Variants in PCDH15 observed in about 807,000 individuals in gnomAD.
PCDH15 encodes protocadherin-15.
In PCDH15, 129 loss-of-function variants were observed where a neutral mutation model predicts 178.5. The observed-to-expected ratio is 0.72, with a 90% CI of 0.63 to 0.84. PCDH15 has a LOEUF of 0.84. Ranked by LOEUF, PCDH15 falls within the 40% of genes least tolerant of loss-of-function variation. PCDH15 has a pLI of 0.00. For synonymous variants in PCDH15, 800 were observed against 732.0 expected (o/e 1.09, Z -1.50); for missense variants, 2,230 against 2,099.9 (o/e 1.06, Z -1.21).
chr10:53,945,353 T>C (rs901279350), intron 23 of PCDH15, among the ~76,000 whole-genome samples: 2 of 152,190 alleles, frequency 1.3e-5, no homozygotes, highest in Non-Finnish European at 2.9e-5. Context: ...TGTTTTGAAA[T>C]ACGTATACAC....
chr10:53,928,174 C>T (rs532048897), intron 25 of PCDH15, among the ~76,000 whole-genome samples: 1 of 152,086 alleles, frequency 6.6e-6, no homozygotes, highest in African/African-American at 2.4e-5. Context: ...CTATGTACAT[C>T]TTTTCTATAT....
intron 2 of PCDH15, among the ~76,000 whole-genome samples, chr10:55,425,015 G>A (rs899808355): frequency 1.3e-5 from 2 of 151,612 alleles, no homozygotes; most frequent in African/African-American, 4.8e-5. Flanking sequence ...TCAAATTATA[G>A]AAAGTATTAA....
intron 2 of PCDH15, among the ~76,000 whole-genome samples, chr10:55,621,163 A>G (rs1843583229): frequency 6.6e-6 from 1 of 152,148 alleles, no homozygotes; most frequent in Non-Finnish European, 1.5e-5. Context: ...CAGTAGAGAT[A>G]ATAATATGAA....
intron 2 of PCDH15, among the ~76,000 whole-genome samples, chr10:55,399,772 A>T (rs1455123619): frequency 6.6e-6 from 1 of 152,166 alleles, no homozygotes; most frequent in African/African-American, 2.4e-5. Context: ...TGGGAGTAAA[A>T]GGCTTAAAGT....
At position 54,627,240 on chromosome 10, in the gene PCDH15, G is replaced by A. The variant is rs375619742; in HGVS notation, c.91+36932C>T. ...TGAGACTCTGGGGGACTCTCGGGAA[G>A]GCATATTTGGTTTTGAAATGTGGAA... On this transcript the variant is annotated intron_variant, in intron 2 of 37. Transcript: ENST00000644397. Among the ~76,000 whole-genome samples the A allele has an allele frequency of 7.2e-5, 11 of 152,220 alleles. No individual in the cohort carries two copies. In the East Asian group the frequency reaches 1.6e-3, roughly 21 times the overall value.
intron 3 of PCDH15, among the ~76,000 whole-genome samples, chr10:54,869,496 G>A (rs944794155): frequency 2.6e-5 from 4 of 152,176 alleles, no homozygotes; most frequent in African/African-American, 9.7e-5. Context: ...CACAGTGTAT[G>A]TAGAGAATAG....
rs957748149 is a variant in PCDH15, at chr10:53,831,305, G to A, written c.4202+10C>T. 2 of 1,612,898 alleles carry A rather than the reference G, an allele frequency of 1.2e-6. No homozygotes were observed. Among genetic ancestry groups the A allele is most frequent in the African/African-American group, 2.7e-5 (2 of 74,868 alleles). Reference sequence around the variant, plus strand: ...GGAACTATCCAGGTTTACCATCCTTGAATACTTACTGTCTGTAGCTGACCA... The same window carrying A: ...GGAACTATCCAGGTTTACCATCCTTAAATACTTACTGTCTGTAGCTGACCA... On this transcript the variant is annotated intron_variant, in intron 30 of 37. Coordinates refer to ENST00000644397, the MANE Select transcript of PCDH15 (RefSeq NM_001384140.1).
chr10:54,722,504 T>A (rs918673240), intron 1 of PCDH15, among the ~76,000 whole-genome samples: 2 of 151,460 alleles, frequency 1.3e-5, no homozygotes, highest in African/African-American at 4.8e-5. Context: ...TTGGTCTTGA[T>A]CTTATATAGT....
intron 18 of PCDH15, among the ~76,000 whole-genome samples, chr10:54,050,536 T>C (rs922502242): frequency 1.3e-5 from 2 of 152,154 alleles, no homozygotes; most frequent in African/African-American, 4.8e-5. Flanking sequence ...ATCCTTTATA[T>C]AGATTTTGGG....
At chr10:55,000,441 G>C (rs192371201) in intron 2 of PCDH15, among the ~76,000 whole-genome samples, 1 of 152,242 alleles carries the variant, frequency 6.6e-6, no homozygotes, top group African/African-American at 2.4e-5. Context: ...CTGTTATCTT[G>C]TTCTTTTTTC....
At chr10:55,107,484 C>CTTTTTTTTTTTTTT (rs11290952) in intron 2 of PCDH15, among the ~76,000 whole-genome samples, 1 of 86,206 alleles carries the variant, frequency 1.2e-5, no homozygotes, top group Non-Finnish European at 2.0e-5. Context: ...ATTCTCTTTC[C>CTTTTTTTTTTTTTT]TTTTTTTTTT....
At chr10:54,412,445 G>A (rs578135689) in intron 3 of PCDH15, among the ~76,000 whole-genome samples, 163 of 152,160 alleles carry the variant, frequency 1.1e-3, no homozygotes, top group African/African-American at 3.9e-3. Context: ...ACTCCGCAAA[G>A]TATTTCAGTC....
intron 15 of PCDH15, among the ~76,000 whole-genome samples, chr10:54,113,526 A>G (rs1193350129): frequency 1.3e-5 from 2 of 152,086 alleles, no homozygotes; most frequent in African/African-American, 4.8e-5. Flanking sequence ...CCGTGTCCTC[A>G]TATGCACACT....
intron 2 of PCDH15, among the ~76,000 whole-genome samples, chr10:55,101,383 C>T (rs2132046154): frequency 6.8e-6 from 1 of 147,322 alleles, no homozygotes; most frequent in South Asian, 2.2e-4. Flanking sequence ...AGCAAGATTC[C>T]ATCTCAAAAT....
chr10:54,491,914 T>C (rs1347601585), intron 3 of PCDH15, among the ~76,000 whole-genome samples: 1 of 152,208 alleles, frequency 6.6e-6, no homozygotes, highest in Non-Finnish European at 1.5e-5. Flanking sequence ...GTTGAGAATC[T>C]AATTGTACCT....
At chr10:54,031,383 C>T (rs925302773) in intron 18 of PCDH15, among the ~76,000 whole-genome samples, 1 of 151,976 alleles carries the variant, frequency 6.6e-6, no homozygotes, top group Non-Finnish European at 1.5e-5. Flanking sequence ...CTTTTTATTG[C>T]TATTTAAGTA....
At chr10:54,973,839 C>G (rs1838995529) in intron 2 of PCDH15, among the ~76,000 whole-genome samples, 1 of 152,102 alleles carries the variant, frequency 6.6e-6, no homozygotes, top group Admixed American at 6.6e-5. Flanking sequence ...ACCACACACA[C>G]ACTATGTATT....
intron 2 of PCDH15, among the ~76,000 whole-genome samples, chr10:55,100,226 G>A (rs757664528): frequency 3.7e-4 from 56 of 152,032 alleles, no homozygotes; most frequent in Non-Finnish European, 6.9e-4. Flanking sequence ...TCCTAATCAT[G>A]TGTTTTAGAG....
intron 11 of PCDH15, chr10:54,189,467 C>T (rs989545473): frequency 7.6e-5 from 71 of 929,934 alleles, no homozygotes; most frequent in Non-Finnish European, 1.0e-4. Context: ...AAACCACTTC[C>T]AGCACACTAG....
Sources: allele counts gnomAD v4.1 joint callset (sites outside exome capture counted in the v4.1 genomes callset), GRCh38; gene constraint gnomAD v4.1.1; transcripts MANE v1.5; gene names NCBI Gene and HGNC (gene_info 2026-07-23, HGNC 2026-07-21).